Variants in SPECC1L observed in about 807,000 individuals in gnomAD.
SPECC1L encodes the protein sperm antigen with calponin homology and coiled-coil domains 1 like.
A neutral mutation model predicts 116.8 loss-of-function variants in SPECC1L; 40 were observed. That is an observed-to-expected ratio of 0.34 (90% confidence interval 0.27 to 0.45). The LOEUF (loss-of-function observed/expected upper bound fraction) is 0.45, where lower values mean the gene tolerates loss of function less well. Among genes scored for constraint, SPECC1L ranks in the 20% least tolerant of loss-of-function variants. SPECC1L has a pLI of 1.00. For missense variants in SPECC1L, 1,110 were observed against 1,373.6 expected, an observed-to-expected ratio of 0.81 and a Z score of 3.03; for synonymous variants, 504 against 500.6, an observed-to-expected ratio of 1.01 and a Z score of -0.09.
chr22:24,352,874 T>TA, intron 11 of SPECC1L, among the ~76,000 whole-genome samples: 1 of 152,310 alleles, frequency 6.6e-6, no homozygotes, highest in South Asian at 2.1e-4. Context: ...TTTTCAAACA[T>TA]ACAGAAAAGT....
intron 10 of SPECC1L, among the ~76,000 whole-genome samples, chr22:24,338,902 G>C (rs1433552065): frequency 6.6e-6 from 1 of 152,198 alleles, no homozygotes; most frequent in African/African-American, 2.4e-5. Context: ...TAGGCTGTCT[G>C]GATTCAGTGA....
At chr22:24,277,349 G>A (rs887262504) in intron 2 of SPECC1L, among the ~76,000 whole-genome samples, 4 of 152,104 alleles carry the variant, frequency 2.6e-5, no homozygotes, top group Admixed American at 6.5e-5. Context: ...GCAAATAAGC[G>A]TATATTAACA....
intron 14 of SPECC1L, among the ~76,000 whole-genome samples, chr22:24,370,752 A>G (rs1203137644): frequency 6.6e-6 from 1 of 152,234 alleles, no homozygotes; most frequent in African/African-American, 2.4e-5. Flanking sequence ...TTAAAAAGGA[A>G]GGAAATTCTT....
At chr22:24,304,827 A>G (rs541803077) in intron 3 of SPECC1L, among the ~76,000 whole-genome samples, 4 of 152,334 alleles carry the variant, frequency 2.6e-5, no homozygotes, top group Non-Finnish European at 4.4e-5. Context: ...TTTGATAACA[A>G]ATCTTCAAAT....
At chr22:24,388,853 T>C (rs2042213209) in intron 14 of SPECC1L, among the ~76,000 whole-genome samples, 1 of 152,206 alleles carries the variant, frequency 6.6e-6, no homozygotes, top group Admixed American at 6.5e-5. Flanking sequence ...ACAACTCCCG[T>C]ACCATACAAC....
rs62233148 is a variant in SPECC1L at position 24,360,883 on chromosome 22, A to G, written c.2744-2378A>G. On this transcript the variant is annotated intron_variant, in intron 11 of 16. Coordinates refer to ENST00000314328, the MANE Select transcript of SPECC1L (RefSeq NM_015330.6). Reference sequence around the variant, plus strand: ...TTGTCTGTCAGATTTTGGGCATAATATACTCTTCCTTTACGGGTAAATGCC... The same window carrying G: ...TTGTCTGTCAGATTTTGGGCATAATGTACTCTTCCTTTACGGGTAAATGCC... Among the ~76,000 whole-genome samples, 1,215 of 152,258 alleles carry G rather than the reference A, an allele frequency of 8.0e-3. 9 individuals are homozygous for G. The highest frequency in any genetic ancestry group is 0.03 in the South Asian group (143 of 4,820).
chr22:24,283,688 G>A (rs879516403), intron 2 of SPECC1L, among the ~76,000 whole-genome samples: 1 of 152,176 alleles, frequency 6.6e-6, no homozygotes, highest in Admixed American at 6.5e-5. Flanking sequence ...CTGAGTGAAT[G>A]CATCTACGCC....
intron 8 of SPECC1L, among the ~76,000 whole-genome samples, chr22:24,334,122 C>T (rs549763061): frequency 6.6e-6 from 1 of 151,270 alleles, no homozygotes; most frequent in African/African-American, 2.4e-5. Context: ...ACACCATTCT[C>T]CTGCCTCAGC....
intron 2 of SPECC1L, among the ~76,000 whole-genome samples, chr22:24,286,383 GA>G (rs1239183141): frequency 6.6e-6 from 1 of 152,078 alleles, no homozygotes; most frequent in Non-Finnish European, 1.5e-5. Flanking sequence ...ATGTTATATT[GA>G]CATTCTCGCA....
At chr22:24,298,823 A>G (rs2049318623) in intron 2 of SPECC1L, among the ~76,000 whole-genome samples, 1 of 152,228 alleles carries the variant, frequency 6.6e-6, no homozygotes, top group South Asian at 2.1e-4. Flanking sequence ...TCCACTGAAT[A>G]AAACGTTAAT....
intron 4 of SPECC1L, among the ~76,000 whole-genome samples, chr22:24,315,488 C>T (rs1201180068): frequency 2.0e-5 from 3 of 152,360 alleles, no homozygotes; most frequent in South Asian, 2.1e-4. Context: ...GTCTTTTACT[C>T]CCAAGCCTGG....
chr22:24,376,996 A>G (rs570083083), intron 14 of SPECC1L, among the ~76,000 whole-genome samples: 1 of 152,232 alleles, frequency 6.6e-6, no homozygotes, highest in East Asian at 1.9e-4. Flanking sequence ...AAGAAATCCT[A>G]TACCCATTAG....
intron 14 of SPECC1L, among the ~76,000 whole-genome samples, chr22:24,382,480 G>A (rs566154457): frequency 1.0e-3 from 152 of 152,138 alleles, no homozygotes; most frequent in African/African-American, 3.3e-3. Flanking sequence ...CGAGGCAGGC[G>A]GATCATGAGG....
At chr22:24,383,243 C>T (rs1452489947) in intron 14 of SPECC1L, among the ~76,000 whole-genome samples, 1 of 152,134 alleles carries the variant, frequency 6.6e-6, no homozygotes, top group East Asian at 1.9e-4. Context: ...GAAACTTAGC[C>T]TCTATACTAT....
intron 16 of SPECC1L, 128 bp from the exon 17 acceptor site, chr22:24,414,406 G>T: frequency 1.3e-6 from 1 of 782,812 alleles, no homozygotes. Context: ...TTAAAAATGT[G>T]TAATTAGGCC....
intron 14 of SPECC1L, among the ~76,000 whole-genome samples, chr22:24,390,193 G>A (rs1254551684): frequency 4.7e-5 from 7 of 150,218 alleles, no homozygotes; most frequent in Admixed American, 1.3e-4. Context: ...CCAGAATGCC[G>A]CTCTTCCCCT....
intron 14 of SPECC1L, among the ~76,000 whole-genome samples, chr22:24,388,660 A>T (rs368176425): frequency 6.6e-6 from 1 of 152,100 alleles, no homozygotes; most frequent in Non-Finnish European, 1.5e-5. Flanking sequence ...GGAATCGCCA[A>T]ACTGACTTCC....
At chr22:24,411,308 G>A (rs1170727333) in intron 14 of SPECC1L, among the ~76,000 whole-genome samples, 1 of 152,180 alleles carries the variant, frequency 6.6e-6, no homozygotes, top group Non-Finnish European at 1.5e-5. Flanking sequence ...CAGCAGCCTA[G>A]GGTCCTCTCT....
intron 1 of SPECC1L, among the ~76,000 whole-genome samples, chr22:24,276,268 TA>T (rs199690326): frequency 1.9e-4 from 28 of 151,192 alleles, no homozygotes; most frequent in African/African-American, 4.9e-4. Flanking sequence ...TAAAGTATAA[TA>T]AAAAAAAATA....
Sources: allele counts gnomAD v4.1 joint callset (sites outside exome capture counted in the v4.1 genomes callset), GRCh38; gene constraint gnomAD v4.1.1; transcripts MANE v1.5; gene names NCBI Gene and HGNC (gene_info 2026-07-23, HGNC 2026-07-21).